ODAD2: variants seen among roughly 807,000 people sequenced by gnomAD.
ODAD2 encodes the protein outer dynein arm-docking complex subunit 2.
ODAD2 carries 89 observed loss-of-function variants against 106.8 expected under a neutral mutation model. The observed-to-expected ratio is 0.83, with a 90% CI of 0.70 to 0.99. The LOEUF is 0.99. Ranked by LOEUF, ODAD2 falls within the 50% of genes least tolerant of loss-of-function variation. ODAD2 has a pLI of 0.00. For missense variants in ODAD2, 1,168 were observed against 1,238.5 expected, an observed-to-expected ratio of 0.94 and a Z score of 0.85; for synonymous variants, 404 against 436.2, an observed-to-expected ratio of 0.93 and a Z score of 0.92.
chr10:27,980,585 A>C (rs1849483775), intron 7 of ODAD2, among the ~76,000 whole-genome samples: 1 of 152,156 alleles, frequency 6.6e-6, no homozygotes. Context: ...CGACATTACT[A>C]ATCATTATGG....
At chr10:27,842,045 TCTC>T (rs1838344950) in intron 19 of ODAD2, among the ~76,000 whole-genome samples, 1 of 152,188 alleles carries the variant, frequency 6.6e-6, no homozygotes, top group Non-Finnish European at 1.5e-5. Context: ...TGCAAATTCT[TCTC>T]CTCACTTCAT....
Position 27,876,799 on chromosome 10 carries a change from C to T in ODAD2, c.2611-14177G>A, listed in dbSNP as rs113411123. On this transcript the variant is annotated intron_variant, in intron 17 of 19. Coordinates refer to ENST00000305242, the MANE Select transcript of ODAD2 (RefSeq NM_018076.5). The stretch of plus-strand genomic sequence containing the variant: ...ACTTTCCAGTACACTTACTGTGTTA[C>T]AACTTATCTCTATATGCATGTTCCC... Among the ~76,000 whole-genome samples, 1,416 of 152,328 alleles carry T rather than the reference C, an allele frequency of 9.3e-3. 29 individuals are homozygous for T. Among genetic ancestry groups the T allele is most frequent in the African/African-American group, 0.032 (1,345 of 41,576 alleles).
At chr10:27,976,235 C>A (rs1849179957) in intron 7 of ODAD2, among the ~76,000 whole-genome samples, 1 of 151,918 alleles carries the variant, frequency 6.6e-6, no homozygotes, top group African/African-American at 2.4e-5. Flanking sequence ...GTGATTCCAG[C>A]TAGTGCATTA....
Position 27,939,935 on chromosome 10 carries a change from C to G in ODAD2, c.2059G>C (p.Glu687Gln), listed in dbSNP as rs1452777300. The G allele has an allele frequency of 6.2e-7, 1 of 1,611,334 alleles. No homozygotes were observed. The highest frequency in any genetic ancestry group is 1.1e-5 in the South Asian group (1 of 90,640). The change falls in exon 14 of 20, where the codon GAG (glutamate) becomes CAG (glutamine). Residue 687 changes from glutamate to glutamine, a missense_variant. Transcript: ENST00000305242. The stretch of plus-strand genomic sequence containing the variant: ...ATGGCGCAGTGCTCCTGCAGCTGCT[C>G]ATTCTCACTATTTAGGTTCTTGACA... Reference protein sequence around the residue: ...NLVKNLNSENEQLQEHCAMAI... With the variant: ...NLVKNLNSENQQLQEHCAMAI...
intron 16 of ODAD2, among the ~76,000 whole-genome samples, chr10:27,915,472 G>A (rs917513143): frequency 1.3e-5 from 2 of 152,106 alleles, no homozygotes; most frequent in Non-Finnish European, 1.5e-5. Flanking sequence ...TTTCATTTAT[G>A]AGGCCTCTAC....
chr10:27,884,174 A>C (rs1056696089), intron 17 of ODAD2, among the ~76,000 whole-genome samples: 2 of 152,282 alleles, frequency 1.3e-5, no homozygotes, highest in South Asian at 4.2e-4. Context: ...TTGCAAGAGA[A>C]AATGACTCAA....
At chr10:27,865,836 G>A (rs1170236690) in intron 17 of ODAD2, among the ~76,000 whole-genome samples, 2 of 152,236 alleles carry the variant, frequency 1.3e-5, no homozygotes, top group East Asian at 1.9e-4. Context: ...AAGTGTGAGG[G>A]CGAAGCCACT....
chr10:27,911,644 C>T (rs1339779940), intron 16 of ODAD2, among the ~76,000 whole-genome samples: 2 of 152,150 alleles, frequency 1.3e-5, no homozygotes, highest in African/African-American at 4.8e-5. Context: ...CAGCCATCTC[C>T]GTATTTTACA....
At chr10:27,919,124 T>A (rs1443071044) in intron 16 of ODAD2, among the ~76,000 whole-genome samples, 1 of 151,966 alleles carries the variant, frequency 6.6e-6, no homozygotes, top group Non-Finnish European at 1.5e-5. Context: ...TTTCCTTAAA[T>A]TAGTTCAGAA....
At chr10:27,925,930 C>T (rs767385199) in intron 16 of ODAD2, among the ~76,000 whole-genome samples, 5 of 149,486 alleles carry the variant, frequency 3.3e-5, no homozygotes, top group South Asian at 2.1e-4. Flanking sequence ...TGCTTGAGCC[C>T]GGGATGCAAG....
intron 17 of ODAD2, among the ~76,000 whole-genome samples, chr10:27,884,808 T>C (rs898929208): frequency 2.0e-5 from 3 of 152,044 alleles, no homozygotes; most frequent in Non-Finnish European, 4.4e-5. Flanking sequence ...AGAACAGCCA[T>C]GTATATGGGG....
chr10:27,961,450 G>A, intron 10 of ODAD2, 118 bp downstream of exon 10: 1 of 1,023,426 alleles, frequency 9.8e-7, no homozygotes, highest in East Asian at 2.5e-5. Context: ...TAAAACAACA[G>A]GAATGCTTAC....
At chr10:27,972,723 T>C (rs1377923497) in intron 7 of ODAD2, among the ~76,000 whole-genome samples, 1 of 152,132 alleles carries the variant, frequency 6.6e-6, no homozygotes, top group African/African-American at 2.4e-5. Flanking sequence ...CACACAATCG[T>C]AATTGTATAT....
At chr10:27,858,035 G>A (rs1337461505) in intron 19 of ODAD2, among the ~76,000 whole-genome samples, 1 of 152,192 alleles carries the variant, frequency 6.6e-6, no homozygotes, top group African/African-American at 2.4e-5. Context: ...CACATTCTCT[G>A]CAGGTAATTG....
intron 17 of ODAD2, among the ~76,000 whole-genome samples, chr10:27,868,925 G>A (rs896977233): frequency 2.0e-5 from 3 of 151,826 alleles, no homozygotes; most frequent in East Asian, 1.9e-4. Flanking sequence ...ATGCTCTTAC[G>A]ATGAAAGCAC....
At chr10:27,893,728 C>T (rs746605768) in intron 17 of ODAD2, among the ~76,000 whole-genome samples, 1 of 152,144 alleles carries the variant, frequency 6.6e-6, no homozygotes, top group African/African-American at 2.4e-5. Flanking sequence ...GGGGCAGTGA[C>T]GGGGAGAAAG....
chr10:27,959,115 C>A, intron 10 of ODAD2: 1 of 752,196 alleles, frequency 1.3e-6, no homozygotes, highest in Non-Finnish European at 1.8e-6. Flanking sequence ...TGTAGGAAGA[C>A]TGCTTGAGGC....
At chr10:27,849,151 C>A (rs865806045) in intron 19 of ODAD2, among the ~76,000 whole-genome samples, 1 of 152,164 alleles carries the variant, frequency 6.6e-6, no homozygotes, top group Non-Finnish European at 1.5e-5. Context: ...TGGAACCAAC[C>A]TAAATATTCA....
chr10:27,858,009 A>G (rs1839779412), intron 19 of ODAD2, among the ~76,000 whole-genome samples: 1 of 152,232 alleles, frequency 6.6e-6, no homozygotes, highest in Non-Finnish European at 1.5e-5. Flanking sequence ...GTTAGCAGTC[A>G]CACATGTAGT....
Sources: gnomAD v4.1 joint callset for allele counts (sites outside exome capture counted in the v4.1 genomes callset) on GRCh38, gnomAD v4.1.1 for gene constraint, MANE v1.5 for transcripts, NCBI Gene and HGNC (gene_info 2026-07-23, HGNC 2026-07-21) for gene names.